PCDH7: variants seen among roughly 807,000 people sequenced by gnomAD.
PCDH7 encodes the protein protocadherin 7.
Under a neutral mutation model 58.9 loss-of-function variants are expected in PCDH7, and 17 were observed. The observed-to-expected ratio is 0.29, with a 90% CI of 0.20 to 0.43. The LOEUF is 0.43. Ranked by LOEUF, PCDH7 falls within the 20% of genes least tolerant of loss-of-function variation. The pLI is 1.00. For missense variants in PCDH7, 1,274 were observed against 1,441.0 expected (o/e 0.88, Z 1.88); for synonymous variants, 664 against 616.4 (o/e 1.08, Z -1.14).
downstream of PCDH7, chr4:31,142,994 G>A: frequency 4.4e-6 from 2 of 459,154 alleles, no homozygotes; most frequent in South Asian, 2.0e-5. Context: ...TCCAGATCAG[G>A]CCTTTAGTGA....
chr4:31,084,635 A>G (rs1395282017), intron 3 of PCDH7, among the ~76,000 whole-genome samples: 3 of 144,470 alleles, frequency 2.1e-5, no homozygotes, highest in East Asian at 2.1e-4. Flanking sequence ...GCAGTGTCAC[A>G]TAAGGAAAGC....
At chr4:31,100,591 G>A (rs1347638090) in intron 3 of PCDH7, among the ~76,000 whole-genome samples, 1 of 152,098 alleles carries the variant, frequency 6.6e-6, no homozygotes, top group African/African-American at 2.4e-5. Flanking sequence ...GGAACAATCT[G>A]GTTTTACCTC....
At chr4:30,811,904 G>A (rs1727074083) in intron 1 of PCDH7, among the ~76,000 whole-genome samples, 1 of 152,110 alleles carries the variant, frequency 6.6e-6, no homozygotes, top group Non-Finnish European at 1.5e-5. Flanking sequence ...GAGAATAGGA[G>A]GGTTTTTTAG....
rs116631055 is a variant in PCDH7, at chr4:30,950,747, G to A, written c.*7+532G>A. 9.3e-3 allele frequency among the ~76,000 whole-genome samples: 1,422 copies of A among 152,270 alleles called. 15 individuals carry two copies. Among genetic ancestry groups the A allele is most frequent in the African/African-American group, 0.03 (1,232 of 41,544 alleles). ...AAAGCTATGCCATTCAGATGTGAAA[G>A]CTGAATGCATGCTAATTACTTTCTG... On this transcript the variant is annotated intron_variant, in intron 3 of 3. Transcript: ENST00000509759.
intron 3 of PCDH7, among the ~76,000 whole-genome samples, chr4:31,052,276 T>G (rs1165316691): frequency 6.6e-6 from 1 of 152,248 alleles, no homozygotes; most frequent in African/African-American, 2.4e-5. Flanking sequence ...TTTGCAAAAC[T>G]GATACAGAAT....
At chr4:30,800,333 T>A (rs1366590472) in intron 1 of PCDH7, among the ~76,000 whole-genome samples, 1 of 152,204 alleles carries the variant, frequency 6.6e-6, no homozygotes, top group Non-Finnish European at 1.5e-5. Context: ...TACATTTGTA[T>A]ATATTTTTGC....
At chr4:30,834,942 C>T (rs1327715431) in intron 1 of PCDH7, among the ~76,000 whole-genome samples, 1 of 151,126 alleles carries the variant, frequency 6.6e-6, no homozygotes, top group Admixed American at 6.6e-5. Context: ...CACACACACA[C>T]ATATATATTC....
intron 1 of PCDH7, among the ~76,000 whole-genome samples, chr4:30,896,889 C>CTTTTTTTGTT (rs1739470652): frequency 3.7e-5 from 1 of 27,338 alleles, no homozygotes; most frequent in Non-Finnish European, 6.2e-5. Flanking sequence ...TAGTTCTTTG[C>CTTTTTTTGTT]TTTTTTTTTT....
chr4:30,730,372 C>A (rs1414673941), intron 1 of PCDH7, among the ~76,000 whole-genome samples: 1 of 152,002 alleles, frequency 6.6e-6, no homozygotes, highest in Non-Finnish European at 1.5e-5. Context: ...CTTTATTTAG[C>A]ATTAGTGTTG....
chr4:30,949,892 G>A (rs58083511), intron 2 of PCDH7, among the ~76,000 whole-genome samples: 28,619 of 151,944 alleles, frequency 0.19, 3,358 homozygotes, highest in South Asian at 0.26. Context: ...CAGCCAACTG[G>A]GTCCCTGGAT....
At chr4:30,872,850 A>T (rs1341113047) in intron 1 of PCDH7, among the ~76,000 whole-genome samples, 1 of 152,104 alleles carries the variant, frequency 6.6e-6, no homozygotes, top group East Asian at 1.9e-4. Context: ...TAGACATTAT[A>T]ATAGTGACTA....
intron 1 of PCDH7, among the ~76,000 whole-genome samples, chr4:30,818,183 C>G (rs1034202870): frequency 2.6e-5 from 4 of 152,168 alleles, no homozygotes; most frequent in African/African-American, 7.2e-5. Flanking sequence ...TGAAATTGCA[C>G]CTTCCTTCTA....
intron 3 of PCDH7, among the ~76,000 whole-genome samples, chr4:31,013,574 G>C (rs2109156022): frequency 7.3e-6 from 1 of 136,688 alleles, no homozygotes; most frequent in Admixed American, 7.6e-5. Context: ...GAAAGAGTAT[G>C]TCCATATATA....
At chr4:31,075,043 T>C (rs1758870307) in intron 3 of PCDH7, among the ~76,000 whole-genome samples, 1 of 152,044 alleles carries the variant, frequency 6.6e-6, no homozygotes, top group Middle Eastern at 3.2e-3. Context: ...AAAAAGAAAT[T>C]ACACGATTGT....
chr4:30,877,423 A>T (rs898945929), intron 1 of PCDH7, among the ~76,000 whole-genome samples: 1 of 152,208 alleles, frequency 6.6e-6, no homozygotes, highest in African/African-American at 2.4e-5. Context: ...AGAGATGGGC[A>T]GTAAGAAGAG....
In PCDH7 at chr4:31,103,656, A is replaced by G. The variant is rs989051883; in HGVS notation, c.*8-38817A>G. ...TTCTGTCTTTAAAAATGTTGCTCTG[A>G]TCTTCCTGATTCTCTCTAGCTGACT... On this transcript the variant is annotated intron_variant, in intron 3 of 3. Coordinates refer to the PCDH7 transcript ENST00000509759. Among the ~76,000 whole-genome samples the G allele has an allele frequency of 3.3e-5, 5 of 152,186 alleles. No individual in the cohort carries two copies. In the East Asian group the frequency reaches 9.7e-4, roughly 29 times the overall value.
At chr4:30,746,412 G>A (rs1344679603) in intron 1 of PCDH7, among the ~76,000 whole-genome samples, 2 of 152,106 alleles carry the variant, frequency 1.3e-5, no homozygotes, top group African/African-American at 2.4e-5. Flanking sequence ...AGCGTGAAGG[G>A]AGAGCAGGGG....
At chr4:30,921,610 T>C (rs1171823487) in intron 2 of PCDH7, among the ~76,000 whole-genome samples, 1 of 152,124 alleles carries the variant, frequency 6.6e-6, no homozygotes, top group Non-Finnish European at 1.5e-5. Flanking sequence ...GACGTCCCTC[T>C]TGATTAATTT....
chr4:30,762,007 TC>T (rs1720091129), intron 1 of PCDH7, among the ~76,000 whole-genome samples: 1 of 152,184 alleles, frequency 6.6e-6, no homozygotes. Flanking sequence ...TTCAGGCTTT[TC>T]TCCAATGTTA....
Sources: allele counts gnomAD v4.1 joint callset (sites outside exome capture counted in the v4.1 genomes callset), GRCh38; gene constraint gnomAD v4.1.1; transcripts MANE v1.5; gene names NCBI Gene and HGNC (gene_info 2026-07-23, HGNC 2026-07-21).